The following RNF13 variants were observed in gnomAD, a reference collection of about 807,000 sequenced individuals.
RNF13 encodes E3 ubiquitin-protein ligase RNF13.
Under a neutral mutation model 37.7 loss-of-function variants are expected in RNF13, and 19 were observed. The observed-to-expected ratio is 0.50, with a 90% CI of 0.35 to 0.74. The LOEUF is 0.74. Among genes scored for constraint, RNF13 ranks in the 30% least tolerant of loss-of-function variants. RNF13 has a pLI of 0.01. For missense variants in RNF13, 375 were observed against 453.0 expected, an observed-to-expected ratio of 0.83 and a Z score of 1.56; for synonymous variants, 144 against 157.8, an observed-to-expected ratio of 0.91 and a Z score of 0.65.
intron 8 of RNF13, among the ~76,000 whole-genome samples, chr3:149,956,960 AC>A (rs1288490844): frequency 6.6e-6 from 1 of 152,128 alleles, no homozygotes; most frequent in Non-Finnish European, 1.5e-5. Flanking sequence ...TCCAGATATC[AC>A]CAAATGTCCT....
At chr3:149,895,749 G>C (rs1445762862) in intron 5 of RNF13, among the ~76,000 whole-genome samples, 189 bp downstream of exon 5, 2 of 151,132 alleles carry the variant, frequency 1.3e-5, no homozygotes, top group Admixed American at 6.6e-5. Flanking sequence ...TTTCTGAACA[G>C]TTTTTTTTTA....
At chr3:149,949,237 ACTCC>A in intron 8 of RNF13, among the ~76,000 whole-genome samples, 1 of 150,654 alleles carries the variant, frequency 6.6e-6, no homozygotes, top group African/African-American at 2.4e-5. Context: ...GTGGTGATAA[ACTCC>A]CTCAATTTTT....
At chr3:149,898,880 A>G (rs1436553237) in intron 5 of RNF13, among the ~76,000 whole-genome samples, 3 of 152,210 alleles carry the variant, frequency 2.0e-5, no homozygotes, top group Admixed American at 6.5e-5. Flanking sequence ...GTGGTCAGAG[A>G]AAGCTTCTGT....
chr3:149,870,793 C>G (rs957179991), intron 3 of RNF13, among the ~76,000 whole-genome samples: 13 of 151,806 alleles, frequency 8.6e-5, no homozygotes, highest in African/African-American at 3.1e-4. Context: ...TGTACAAACA[C>G]TTTCCATATC....
intron 4 of RNF13, among the ~76,000 whole-genome samples, chr3:149,875,235 C>G (rs931898495): frequency 6.6e-6 from 1 of 152,040 alleles, no homozygotes; most frequent in African/African-American, 2.4e-5. Flanking sequence ...TACAAATTAT[C>G]TCAGACAAAG....
rs1280443516 is a variant in RNF13, at chr3:149,960,788, C to A, written c.830C>A (p.Thr277Asn). ...VDPWLTKTKK[T>N]CPVCKQKVVP... is the part of the protein sequence containing the mutation. ...CCTTGGCTAACTAAAACCAAAAAAACCTGTCCAGTGTGCAAGCAAAAAGTT... is the reference window on the plus strand; with the variant it reads ...CCTTGGCTAACTAAAACCAAAAAAAACTGTCCAGTGTGCAAGCAAAAAGTT... The change falls in exon 10 of 10, where the codon ACC becomes AAC. Residue 277 changes from threonine (T) to asparagine (N), a missense_variant. Physicochemically the swap from Thr to Asn is moderately conservative, Grantham distance 65. Coordinates refer to ENST00000392894, the MANE Select transcript of RNF13 (RefSeq NM_183381.3). 3.7e-6 allele frequency: 6 copies of A among 1,613,730 alleles called. No individual in the cohort carries two copies. Among genetic ancestry groups the A allele is most frequent in the Non-Finnish European group, 5.1e-6 (6 of 1,179,932 alleles).
intron 1 of RNF13, among the ~76,000 whole-genome samples, chr3:149,819,191 T>C (rs1719785679): frequency 6.6e-6 from 1 of 152,216 alleles, no homozygotes; most frequent in African/African-American, 2.4e-5. Context: ...TTCACTAACG[T>C]AGATAATATA....
At chr3:149,901,069 A>G (rs1466938616) in intron 5 of RNF13, among the ~76,000 whole-genome samples, 3 of 152,182 alleles carry the variant, frequency 2.0e-5, no homozygotes, top group East Asian at 1.9e-4. Context: ...GGAACATTCT[A>G]TATCCAACTG....
intron 2 of RNF13, 43 bp downstream of exon 2, chr3:149,846,183 A>G (rs1249898165): frequency 3.9e-6 from 5 of 1,279,602 alleles, no homozygotes; most frequent in African/African-American, 1.5e-5. Flanking sequence ...ACATCCCTTA[A>G]AGAAAAGCTT....
chr3:149,949,227 G>A (rs577533705), intron 8 of RNF13, among the ~76,000 whole-genome samples: 1 of 152,170 alleles, frequency 6.6e-6, no homozygotes, highest in East Asian at 1.9e-4. Flanking sequence ...AATAAGTCTA[G>A]TGGTGATAAA....
chr3:149,895,423 C>T, intron 4 of RNF13, 50 bp from the exon 5 acceptor site: 1 of 1,125,158 alleles, frequency 8.9e-7, no homozygotes, highest in Non-Finnish European at 1.3e-6. Context: ...AAAAGACAAA[C>T]CACTGTCTTC....
chr3:149,835,857 CCCCAGTACTGGGATTGCTGGATT>C (rs777484707), intron 1 of RNF13, among the ~76,000 whole-genome samples: 6,731 of 150,998 alleles, frequency 0.045, 312 homozygotes, highest in African/African-American at 0.12. Context: ...ATTGCTGGAT[CCCCAGTACTGGGATTGCTGGATT>C]CCCAGTACTG....
At chr3:149,848,865 T>C (rs1393205028) in intron 2 of RNF13, among the ~76,000 whole-genome samples, 1 of 152,152 alleles carries the variant, frequency 6.6e-6, no homozygotes, top group Non-Finnish European at 1.5e-5. Flanking sequence ...CTGACTAGAC[T>C]AGCTGACTAG....
intron 1 of RNF13, among the ~76,000 whole-genome samples, chr3:149,835,301 A>T (rs1000394153): frequency 2.6e-5 from 4 of 152,150 alleles, no homozygotes; most frequent in Admixed American, 6.5e-5. Flanking sequence ...AATTTAAAAA[A>T]TTTTTTTATT....
chr3:149,923,430 A>G (rs967151417), intron 8 of RNF13, among the ~76,000 whole-genome samples: 12 of 152,018 alleles, frequency 7.9e-5, no homozygotes, highest in Non-Finnish European at 1.5e-4. Flanking sequence ...TAGTTTGAAG[A>G]TTAGGAATTA....
At chr3:149,891,510 C>G (rs1170683925) in intron 4 of RNF13, among the ~76,000 whole-genome samples, 1 of 152,162 alleles carries the variant, frequency 6.6e-6, no homozygotes, top group African/African-American at 2.4e-5. Context: ...TAATAACAAG[C>G]CAACAGTTCC....
chr3:149,900,393 A>T (rs535475905), intron 5 of RNF13, among the ~76,000 whole-genome samples: 60 of 152,254 alleles, frequency 3.9e-4, no homozygotes, highest in Middle Eastern at 6.8e-3. Context: ...TATAAAAAAA[A>T]ATATAGTCCT....
At chr3:149,892,769 C>T (rs1020804218) in intron 4 of RNF13, among the ~76,000 whole-genome samples, 5 of 152,092 alleles carry the variant, frequency 3.3e-5, no homozygotes, top group Admixed American at 6.5e-5. Flanking sequence ...ACTATTCCCC[C>T]GGTGGAAAAG....
chr3:149,951,771 G>T (rs1389439990), intron 8 of RNF13, among the ~76,000 whole-genome samples: 1 of 152,174 alleles, frequency 6.6e-6, no homozygotes, highest in Non-Finnish European at 1.5e-5. Flanking sequence ...CATGAATTCA[G>T]TTAGTTTTCA....
Sources: allele counts gnomAD v4.1 joint callset (sites outside exome capture counted in the v4.1 genomes callset), GRCh38; gene constraint gnomAD v4.1.1; transcripts MANE v1.5; gene names NCBI Gene and HGNC (gene_info 2026-07-23, HGNC 2026-07-21).